The following CNTNAP2 variants were observed in gnomAD, a reference collection of about 807,000 sequenced individuals.
CNTNAP2 encodes contactin-associated protein-like 2.
CNTNAP2 carries 98 observed loss-of-function variants against 155.2 expected under a neutral mutation model. The ratio of observed to expected loss-of-function variants is 0.63; its 90% CI spans 0.54 to 0.75. The LOEUF (loss-of-function observed/expected upper bound fraction) is 0.75. Ranked by LOEUF, CNTNAP2 falls within the 30% of genes least tolerant of loss-of-function variation. The pLI is 0.00. For missense variants in CNTNAP2, 1,727 were observed against 1,688.1 expected (o/e 1.02, Z -0.40); for synonymous variants, 651 against 631.2 (o/e 1.03, Z -0.47).
At chr7:146,873,511 A>G (rs1445628778) in intron 3 of CNTNAP2, among the ~76,000 whole-genome samples, 1 of 152,126 alleles carries the variant, frequency 6.6e-6, no homozygotes, top group East Asian at 1.9e-4. Context: ...TTAGAGGGTG[A>G]AAGTGTAGAA....
intron 14 of CNTNAP2, among the ~76,000 whole-genome samples, chr7:147,924,520 T>A (rs977099090): frequency 1.3e-5 from 2 of 152,018 alleles, no homozygotes; most frequent in Non-Finnish European, 2.9e-5. Flanking sequence ...TCCAACTCTG[T>A]AAATAAAGAA....
At chr7:147,219,677 T>C (rs1803349947) in intron 8 of CNTNAP2, among the ~76,000 whole-genome samples, 1 of 152,246 alleles carries the variant, frequency 6.6e-6, no homozygotes, top group Non-Finnish European at 1.5e-5. Context: ...TACAACATTT[T>C]GCATCCTTTA....
chr7:146,895,213 T>A (rs1289599389), intron 3 of CNTNAP2, among the ~76,000 whole-genome samples: 1 of 149,832 alleles, frequency 6.7e-6, no homozygotes, highest in Non-Finnish European at 1.5e-5. Context: ...CTTCCTTCCT[T>A]CCTTTTCCTT....
intron 1 of CNTNAP2, among the ~76,000 whole-genome samples, chr7:146,611,306 T>C (rs1222497764): frequency 1.3e-5 from 2 of 152,094 alleles, no homozygotes; most frequent in Non-Finnish European, 2.9e-5. Flanking sequence ...GCCCAGTCTA[T>C]TCTCAAGCCC....
At chr7:147,699,516 G>A (rs1796207018) in intron 13 of CNTNAP2, among the ~76,000 whole-genome samples, 1 of 151,936 alleles carries the variant, frequency 6.6e-6, no homozygotes, top group Non-Finnish European at 1.5e-5. Flanking sequence ...GGGTTGATGG[G>A]TGCAGCAAAC....
intron 9 of CNTNAP2, among the ~76,000 whole-genome samples, chr7:147,384,296 A>C (rs149862745): frequency 3.5e-4 from 54 of 152,352 alleles, no homozygotes; most frequent in Admixed American, 2.8e-3. Flanking sequence ...AAACTCATGT[A>C]TAATTTTCTT....
At chr7:147,312,801 T>G (rs13309437) in intron 9 of CNTNAP2, among the ~76,000 whole-genome samples, 4,259 of 101,844 alleles carry the variant, frequency 0.042, 189 homozygotes, top group East Asian at 0.17. Flanking sequence ...TGGGTCAAAT[T>G]GTATTTCTAG....
chr7:146,134,855 T>A (rs1797773532), intron 1 of CNTNAP2, among the ~76,000 whole-genome samples: 1 of 151,784 alleles, frequency 6.6e-6, no homozygotes, highest in Non-Finnish European at 1.5e-5. Flanking sequence ...TCATCAAGGA[T>A]ATTGGTCTAA....
chr7:146,969,144 G>T (rs1415705764), intron 3 of CNTNAP2, among the ~76,000 whole-genome samples: 3 of 151,768 alleles, frequency 2.0e-5, no homozygotes, highest in South Asian at 2.1e-4. Flanking sequence ...TTAATCCTGA[G>T]TTCTAGTTTG....
chr7:147,103,023 A>G (rs1800687022), intron 4 of CNTNAP2, among the ~76,000 whole-genome samples: 5 of 152,202 alleles, frequency 3.3e-5, no homozygotes, highest in Admixed American at 3.3e-4. Flanking sequence ...GGTCAGCGAG[A>G]TTCTTGAAAT....
At chr7:147,857,402 G>A (rs1438604390) in intron 13 of CNTNAP2, among the ~76,000 whole-genome samples, 1 of 152,132 alleles carries the variant, frequency 6.6e-6, no homozygotes, top group African/African-American at 2.4e-5. Context: ...TTACATGGCT[G>A]TTGGCAAAAG....
intron 17 of CNTNAP2, among the ~76,000 whole-genome samples, chr7:148,153,675 C>T (rs1302810319): frequency 6.6e-6 from 1 of 152,198 alleles, no homozygotes; most frequent in Non-Finnish European, 1.5e-5. Flanking sequence ...CTGGATTGAG[C>T]AAAGCCAGCT....
intron 1 of CNTNAP2, among the ~76,000 whole-genome samples, chr7:146,571,781 G>A (rs538894489): frequency 2.0e-5 from 3 of 150,254 alleles, no homozygotes; most frequent in Admixed American, 6.6e-5. Context: ...GCCCAGGCTG[G>A]AATGCAGTGG....
At chr7:147,996,619 T>C (rs1032094667) in intron 15 of CNTNAP2, among the ~76,000 whole-genome samples, 3 of 152,162 alleles carry the variant, frequency 2.0e-5, no homozygotes, top group Non-Finnish European at 4.4e-5. Context: ...GTAAAGAACT[T>C]AGAACAGTGA....
At chr7:146,443,960 G>A (rs542583336) in intron 1 of CNTNAP2, among the ~76,000 whole-genome samples, 46 of 152,296 alleles carry the variant, frequency 3.0e-4, no homozygotes, top group African/African-American at 1.1e-3. Context: ...TTCAGTTTGT[G>A]AAAAATTAAT....
chr7:147,707,892 G>A (rs376287824), intron 13 of CNTNAP2, among the ~76,000 whole-genome samples: 13 of 152,196 alleles, frequency 8.5e-5, no homozygotes, highest in African/African-American at 2.2e-4. Flanking sequence ...CTGGGCAGGC[G>A]TGAACTCAGG....
At chr7:147,768,694 ACTGAGG>A (rs1797420995) in intron 13 of CNTNAP2, among the ~76,000 whole-genome samples, 1 of 152,064 alleles carries the variant, frequency 6.6e-6, no homozygotes, top group South Asian at 2.1e-4. Context: ...ACAGAAAACA[ACTGAGG>A]CTTCAGGCAA....
At chr7:146,202,069 T>G (rs1235586153) in intron 1 of CNTNAP2, among the ~76,000 whole-genome samples, 1 of 152,136 alleles carries the variant, frequency 6.6e-6, no homozygotes, top group Non-Finnish European at 1.5e-5. Flanking sequence ...ATAAAACATA[T>G]TGTCTTCATT....
intron 14 of CNTNAP2, among the ~76,000 whole-genome samples, chr7:147,956,290 T>C (rs923412187): frequency 1.6e-4 from 12 of 75,942 alleles, no homozygotes; most frequent in East Asian, 5.0e-4. Flanking sequence ...ATTATTTCTT[T>C]GGCAGGGGGC....
Sources: allele counts gnomAD v4.1 joint callset (sites outside exome capture counted in the v4.1 genomes callset), GRCh38; gene constraint gnomAD v4.1.1; transcripts MANE v1.5; gene names NCBI Gene and HGNC (gene_info 2026-07-23, HGNC 2026-07-21).